Variants in THSD7B observed in about 807,000 individuals in gnomAD.
THSD7B encodes the protein thrombospondin type-1 domain-containing protein 7B.
In THSD7B, 138 loss-of-function variants were observed where a neutral mutation model predicts 213.6. The observed-to-expected ratio is 0.65, with a 90% CI of 0.56 to 0.74. THSD7B has a LOEUF of 0.74. THSD7B is among the 30% of genes least tolerant of loss of function. THSD7B has a pLI of 0.00. For synonymous variants in THSD7B, 742 were observed against 687.0 expected, an observed-to-expected ratio of 1.08 and a Z score of -1.25; for missense variants, 1,931 against 1,991.5, an observed-to-expected ratio of 0.97 and a Z score of 0.58.
chr2:137,207,174 T>C (rs6753837), intron 7 of THSD7B, among the ~76,000 whole-genome samples: 90,114 of 151,672 alleles, frequency 0.59, 27,137 homozygotes, highest in South Asian at 0.71. Flanking sequence ...GGGCTACCTA[T>C]TGTGTTCTTA....
intron 2 of THSD7B, among the ~76,000 whole-genome samples, chr2:137,007,243 G>A (rs1205030349): frequency 1.3e-5 from 2 of 152,152 alleles, no homozygotes; most frequent in African/African-American, 2.4e-5. Context: ...TGGAGCTAGA[G>A]TTAAATCAGA....
Position 137,133,495 on chromosome 2 carries a change from A to AT in THSD7B, c.1369+18213dup, listed in dbSNP as rs535971132. 5.5e-3 allele frequency among the ~76,000 whole-genome samples: 821 copies of AT among 148,760 alleles called. 10 individuals are homozygous for AT. Among genetic ancestry groups the AT allele is most frequent in the African/African-American group, 0.018 (745 of 40,746 alleles). On this transcript the variant is annotated intron_variant, in intron 5 of 27. Coordinates refer to ENST00000409968, the MANE Select transcript of THSD7B (RefSeq NM_001316349.2). ...CAATGAGCATGTAAATTACCCAGGG[A>AT]TTTTTTTTTTTAAATGCTGGTTCTG...
chr2:137,561,929 A>G (rs775982828), intron 15 of THSD7B, among the ~76,000 whole-genome samples: 1 of 152,022 alleles, frequency 6.6e-6, no homozygotes, highest in Non-Finnish European at 1.5e-5. Context: ...TTTGTGTTTT[A>G]TCTTCTTGTG....
intron 5 of THSD7B, among the ~76,000 whole-genome samples, chr2:137,135,074 A>G (rs1679408673): frequency 6.6e-6 from 1 of 152,210 alleles, no homozygotes; most frequent in African/African-American, 2.4e-5. Context: ...ATTACATAAA[A>G]TAGTAAACAT....
chr2:137,348,393 G>A (rs1210093785), intron 12 of THSD7B, among the ~76,000 whole-genome samples: 6 of 151,626 alleles, frequency 4.0e-5, no homozygotes, highest in Non-Finnish European at 8.9e-5. Flanking sequence ...GATTTTCTGA[G>A]GGCTGTTAAT....
intron 12 of THSD7B, among the ~76,000 whole-genome samples, chr2:137,285,534 C>G (rs1481313402): frequency 6.7e-6 from 1 of 150,334 alleles, no homozygotes; most frequent in Admixed American, 6.6e-5. Flanking sequence ...TGCAGTGTAG[C>G]TGGTACCAGT....
intron 14 of THSD7B, among the ~76,000 whole-genome samples, chr2:137,429,575 TG>T (rs1249449496): frequency 2.0e-5 from 3 of 152,190 alleles, no homozygotes; most frequent in Non-Finnish European, 4.4e-5. Context: ...ATTAATTAAA[TG>T]TAAAACATAC....
intron 1 of THSD7B, among the ~76,000 whole-genome samples, chr2:136,875,656 C>A (rs79480553): frequency 6.1e-4 from 93 of 152,226 alleles, no homozygotes; most frequent in Admixed American, 4.6e-3. Context: ...TTTCTCCAAG[C>A]CACTCTATCC....
At chr2:137,072,235 A>G (rs1372614379) in intron 3 of THSD7B, among the ~76,000 whole-genome samples, 3 of 152,178 alleles carry the variant, frequency 2.0e-5, no homozygotes, top group Admixed American at 2.0e-4. Flanking sequence ...CTTCCTACCC[A>G]TGAGCATGCA....
intron 12 of THSD7B, among the ~76,000 whole-genome samples, chr2:137,340,835 A>G (rs1452506587): frequency 6.6e-6 from 1 of 151,760 alleles, no homozygotes; most frequent in African/African-American, 2.4e-5. Flanking sequence ...TCTGGTGGAC[A>G]CTTAGGTTTA....
intron 18 of THSD7B, among the ~76,000 whole-genome samples, chr2:137,616,753 C>T (rs892731997): frequency 1.3e-5 from 2 of 152,144 alleles, no homozygotes; most frequent in Non-Finnish European, 2.9e-5. Context: ...ATGAATGCTA[C>T]TACTGACTGG....
intron 2 of THSD7B, among the ~76,000 whole-genome samples, chr2:136,887,128 T>C (rs779961062): frequency 1.3e-5 from 2 of 152,196 alleles, no homozygotes; most frequent in Non-Finnish European, 2.9e-5. Flanking sequence ...CTTCAAAGTA[T>C]ACAATTCAGT....
intron 2 of THSD7B, among the ~76,000 whole-genome samples, chr2:137,004,361 A>G (rs10208065): frequency 0.51 from 76,416 of 150,462 alleles, 21,186 homozygotes; most frequent in East Asian, 0.74. Flanking sequence ...TTATTCCAGG[A>G]GAACCATTAT....
intron 12 of THSD7B, among the ~76,000 whole-genome samples, chr2:137,294,351 G>C (rs1356825153): frequency 2.0e-5 from 3 of 151,980 alleles, no homozygotes; most frequent in Non-Finnish European, 4.4e-5. Context: ...GGGAGGCCGA[G>C]GCAGGTGGAT....
chr2:137,116,397 C>T (rs916796987), intron 5 of THSD7B, among the ~76,000 whole-genome samples: 1 of 152,190 alleles, frequency 6.6e-6, no homozygotes, highest in African/African-American at 2.4e-5. Context: ...TATAGTTACT[C>T]CTCTGAATTT....
intron 2 of THSD7B, among the ~76,000 whole-genome samples, chr2:136,946,799 G>C (rs530547085): frequency 3.3e-5 from 5 of 152,146 alleles, no homozygotes; most frequent in Non-Finnish European, 7.4e-5. Context: ...CCTTGCATAG[G>C]ATATAATCTC....
chr2:137,012,895 C>A (rs959177207), intron 2 of THSD7B, among the ~76,000 whole-genome samples: 1 of 152,172 alleles, frequency 6.6e-6, no homozygotes, highest in Non-Finnish European at 1.5e-5. Flanking sequence ...TGTCTCTGGA[C>A]AACTGGACAG....
At chr2:137,619,668 A>G (rs997611588) in intron 19 of THSD7B, among the ~76,000 whole-genome samples, 1 of 152,252 alleles carries the variant, frequency 6.6e-6, no homozygotes, top group Non-Finnish European at 1.5e-5. Context: ...TGATACAAAA[A>G]GATATAAACT....
rs1682500292 is a variant in THSD7B at position 137,620,590 on chromosome 2, GT to G, written c.3682-16del. On this transcript the variant is annotated intron_variant, in intron 19 of 27. Coordinates refer to ENST00000409968, the MANE Select transcript of THSD7B (RefSeq NM_001316349.2). ...AGAGTGATTTCTCCAATAAAGTTGT[GT>G]TTCATTTCCATTTGCAGCATAATTT... 6.3e-7 allele frequency: 1 copy of G among 1,586,998 alleles called. No homozygotes were observed. The highest frequency in any genetic ancestry group is 8.7e-7 in the Non-Finnish European group (1 of 1,155,828).
Sources: gnomAD v4.1 joint callset for allele counts (sites outside exome capture counted in the v4.1 genomes callset) on GRCh38, gnomAD v4.1.1 for gene constraint, MANE v1.5 for transcripts, NCBI Gene and HGNC (gene_info 2026-07-23, HGNC 2026-07-21) for gene names.